Variants in DIP2C observed in about 807,000 individuals in gnomAD.
DIP2C encodes disco-interacting protein 2 homolog C.
A neutral mutation model predicts 192.4 loss-of-function variants in DIP2C; 33 were observed. The observed-to-expected ratio is 0.17, with a 90% CI of 0.13 to 0.23. The LOEUF is 0.23. Among genes scored for constraint, DIP2C ranks in the 10% least tolerant of loss-of-function variants. The pLI, the probability that DIP2C is intolerant of heterozygous loss-of-function variation, is 1.00. For synonymous variants in DIP2C, 979 were observed against 864.1 expected, an observed-to-expected ratio of 1.13 and a Z score of -2.33; for missense variants, 1,537 against 2,110.1, an observed-to-expected ratio of 0.73 and a Z score of 5.32.
intron 1 of DIP2C, among the ~76,000 whole-genome samples, chr10:620,191 T>A (rs555938715): frequency 1.3e-5 from 2 of 152,374 alleles, no homozygotes; most frequent in Non-Finnish European, 2.9e-5. Context: ...ATTTTATTTG[T>A]GCTTTATTCA....
intron 1 of DIP2C, among the ~76,000 whole-genome samples, chr10:542,824 G>A (rs367897683): frequency 3.3e-5 from 5 of 151,434 alleles, no homozygotes; most frequent in Non-Finnish European, 1.5e-5. Flanking sequence ...GGAGTGGGGG[G>A]TTCTGACCCT....
At chr10:604,462 G>C (rs1454700323) in intron 1 of DIP2C, among the ~76,000 whole-genome samples, 1 of 152,192 alleles carries the variant, frequency 6.6e-6, no homozygotes, top group Admixed American at 6.5e-5. Flanking sequence ...GAGTCGGAGA[G>C]GCCAAGCAAT....
intron 1 of DIP2C, among the ~76,000 whole-genome samples, chr10:527,182 T>A (rs1847102608): frequency 6.6e-6 from 1 of 152,218 alleles, no homozygotes; most frequent in Admixed American, 6.5e-5. Flanking sequence ...CCCCGTACCG[T>A]GCGAAGTGCG....
chr10:283,419 T>TGGCATTGTG lies in DIP2C; in HGVS notation c.4138_4146dup (p.His1380_Ala1382dup). On this transcript the variant is annotated inframe_insertion, in exon 35 of 37. Coordinates refer to ENST00000280886, the MANE Select transcript of DIP2C (RefSeq NM_014974.3). ...TCTCCGTAAATAGTGAAATAACCGC[T>TGGCATTGTG]GGCATTGTGGGCACTGTGAACCCAA... 6.2e-7 allele frequency: 1 copy of TGGCATTGTG among 1,614,186 alleles called. No individual in the cohort carries two copies. Among genetic ancestry groups the TGGCATTGTG allele is most frequent in the Non-Finnish European group, 8.5e-7 (1 of 1,180,038 alleles).
intron 1 of DIP2C, among the ~76,000 whole-genome samples, chr10:579,835 TAC>T (rs1053015134): frequency 3.3e-5 from 5 of 151,976 alleles, no homozygotes; most frequent in Non-Finnish European, 5.9e-5. Flanking sequence ...GCATAGCATG[TAC>T]ACACATCTGT....
chr10:587,067 C>T (rs991554822), intron 1 of DIP2C, among the ~76,000 whole-genome samples: 1 of 150,700 alleles, frequency 6.6e-6, no homozygotes, highest in Non-Finnish European at 1.5e-5. Flanking sequence ...GAGGGGCAAA[C>T]AGTGCAGGGT....
intron 1 of DIP2C, among the ~76,000 whole-genome samples, chr10:562,932 A>C (rs1849294126): frequency 6.6e-6 from 1 of 152,220 alleles, no homozygotes; most frequent in Admixed American, 6.5e-5. Context: ...GAATATAGCT[A>C]AATACTCTTC....
rs1964229859 is a variant in DIP2C, at chr10:399,292, G to A, written c.1150-73C>T. The A allele has an allele frequency of 2.4e-6, 3 of 1,231,816 alleles. No individual in the cohort carries two copies. The South Asian group carries it at 3.6e-5, about 15-fold the overall frequency. 76.3% of individuals were successfully genotyped at this position (1,231,816 alleles called of 1,614,324 possible). A position where few individuals can be genotyped will look rare whatever the true frequency, so the allele number is the denominator to read the frequency against. On this transcript the variant is annotated intron_variant, in intron 9 of 36. Transcript: ENST00000280886. ...TCCTAAGACGCCACGGAAGAGCTTG[G>A]TTCTAGGTGAGAGGGCACGCTTCAG...
intron 3 of DIP2C, among the ~76,000 whole-genome samples, chr10:446,317 C>G (rs1333484249): frequency 6.6e-6 from 1 of 151,818 alleles, no homozygotes; most frequent in African/African-American, 2.4e-5. Flanking sequence ...AAGAGTCTAT[C>G]TTCCACTGGA....
chr10:327,325 A>G (rs1957318635), intron 30 of DIP2C, 149 bp from the exon 31 acceptor site: 2 of 820,594 alleles, frequency 2.4e-6, no homozygotes, highest in South Asian at 2.0e-5. Context: ...CTTCTTCAAT[A>G]TAACAAACCA....
intron 4 of DIP2C, among the ~76,000 whole-genome samples, chr10:439,074 G>T (rs1967506739): frequency 6.6e-6 from 1 of 152,110 alleles, no homozygotes; most frequent in South Asian, 2.1e-4. Context: ...TTGAACTCTT[G>T]GGCTCAAGCC....
chr10:298,949 A>G (rs1955886858), intron 32 of DIP2C, among the ~76,000 whole-genome samples: 1 of 152,248 alleles, frequency 6.6e-6, no homozygotes, highest in South Asian at 2.1e-4. Context: ...GTAAGACTAG[A>G]AAGACTTGAA....
rs115219717 is a variant in DIP2C at position 656,073 on chromosome 10, T to C, written c.85+33421A>G. Among the ~76,000 whole-genome samples the C allele has an allele frequency of 3.2e-3, 475 of 149,448 alleles. 2 individuals carry two copies. The highest frequency in any genetic ancestry group is 0.011 in the African/African-American group (438 of 40,542). ...GTCCTATTGTATACTATATATATAA[T>C]GTTACACTGTTTCATCTATTCTATG... On this transcript the variant is annotated intron_variant, in intron 1 of 36. Coordinates refer to ENST00000280886, the MANE Select transcript of DIP2C (RefSeq NM_014974.3).
chr10:460,321 G>A lies in DIP2C; in HGVS notation c.268+12118C>T, dbSNP rs150631723. ...TAAAGGTAATGAAGTGCTTAAAATC[G>A]ACTCCAATACATTCTAGGTGCTCAA... is the stretch of plus-strand genomic sequence containing the variant. On this transcript the variant is annotated intron_variant, in intron 3 of 36. Coordinates refer to ENST00000280886, the MANE Select transcript of DIP2C (RefSeq NM_014974.3). Among the ~76,000 whole-genome samples the A allele has an allele frequency of 2.1e-3, 324 of 152,272 alleles. 3 individuals carry two copies. Among genetic ancestry groups the A allele is most frequent in the African/African-American group, 7.4e-3 (309 of 41,546 alleles).
intron 3 of DIP2C, among the ~76,000 whole-genome samples, chr10:472,127 T>C (rs548490788): frequency 7.2e-5 from 11 of 152,308 alleles, no homozygotes; most frequent in African/African-American, 1.7e-4. Context: ...GAAAAAACTA[T>C]ACTAGCAACC....
intron 1 of DIP2C, among the ~76,000 whole-genome samples, chr10:608,912 G>C (rs1852867531): frequency 6.6e-6 from 1 of 151,354 alleles, no homozygotes; most frequent in South Asian, 2.1e-4. Context: ...TCTCATTACA[G>C]TGATTTGACT....
chr10:316,702 A>T (rs1956788695), intron 31 of DIP2C, among the ~76,000 whole-genome samples: 1 of 152,170 alleles, frequency 6.6e-6, no homozygotes, highest in African/African-American at 2.4e-5. Flanking sequence ...AGCCCTCAGG[A>T]GCCCCTGCCT....
chr10:585,910 G>A (rs1484841863), intron 1 of DIP2C, among the ~76,000 whole-genome samples: 3 of 152,174 alleles, frequency 2.0e-5, no homozygotes, highest in East Asian at 1.9e-4. Context: ...GTTAAGGGGG[G>A]TTATTCCTTT....
chr10:281,116 C>T, intron 36 of DIP2C, 84 bp downstream of exon 36: 1 of 1,564,230 alleles, frequency 6.4e-7, no homozygotes, highest in South Asian at 1.2e-5. Flanking sequence ...ACAAAACTCT[C>T]CTCCACCGCC....
Sources: allele counts gnomAD v4.1 joint callset (sites outside exome capture counted in the v4.1 genomes callset), GRCh38; gene constraint gnomAD v4.1.1; transcripts MANE v1.5; gene names NCBI Gene and HGNC (gene_info 2026-07-23, HGNC 2026-07-21).